The following PTPN9 variants were observed in gnomAD, a reference collection of about 807,000 sequenced individuals.
The protein encoded by PTPN9 is tyrosine-protein phosphatase non-receptor type 9.
A neutral mutation model predicts 69.8 loss-of-function variants in PTPN9; 26 were observed. The ratio of observed to expected loss-of-function variants is 0.37; its 90% confidence interval spans 0.27 to 0.52. PTPN9 has a LOEUF of 0.52. Ranked by LOEUF, PTPN9 falls within the 20% of genes least tolerant of loss-of-function variation. The pLI is 0.91. For missense variants in PTPN9, 549 were observed against 740.3 expected (o/e 0.74, Z 3.00); for synonymous variants, 274 against 272.5 (o/e 1.01, Z -0.05).
intron 7 of PTPN9, among the ~76,000 whole-genome samples, chr15:75,498,286 A>AT (rs1260419749): frequency 6.6e-6 from 1 of 152,022 alleles, no homozygotes; most frequent in Non-Finnish European, 1.5e-5. Context: ...TATGTATGTA[A>AT]TTTTTTTACA....
chr15:75,547,220 G>A (rs890905911), intron 1 of PTPN9, among the ~76,000 whole-genome samples: 5 of 150,566 alleles, frequency 3.3e-5, no homozygotes, highest in South Asian at 2.1e-4. Context: ...GCTTGAACAC[G>A]GGAGGCAGAG....
intron 7 of PTPN9, among the ~76,000 whole-genome samples, chr15:75,497,973 T>C (rs1403467970): frequency 2.0e-5 from 3 of 151,434 alleles, no homozygotes; most frequent in African/African-American, 7.3e-5. Flanking sequence ...GCGGATCACC[T>C]GAGGTCAGGA....
In PTPN9 at chr15:75,471,682, A is replaced by G. The variant is rs892079470; in HGVS notation, c.1209-852T>C. On this transcript the variant is annotated intron_variant, in intron 10 of 12. Coordinates refer to ENST00000618819, the MANE Select transcript of PTPN9 (RefSeq NM_002833.4). ...TGTAATTCCAGCACTTTAGGAGGCC[A>G]AGGTGGCGGATCACCTGAGGTCAGG... 5.9e-5 allele frequency among the ~76,000 whole-genome samples: 9 copies of G among 151,662 alleles called. No homozygotes were observed. In the East Asian group the frequency reaches 9.7e-4, roughly 16 times the overall value.
chr15:75,578,716 GCTC>G lies in PTPN9; in HGVS notation c.58_60del (p.Glu20del). On this transcript the variant is annotated inframe_deletion, in exon 1 of 13. Transcript: ENST00000618819. ...GCGGCGGCCTCGGGCCCGCTTACCT[GCTC>G]CTCCTCCGGGGTCAGCTCCGGCGCC... is the stretch of plus-strand genomic sequence containing the variant. 1 of 1,371,446 alleles carries G rather than the reference GCTC, an allele frequency of 7.3e-7. No individual in the cohort carries two copies. The highest frequency in any genetic ancestry group is 9.4e-7 in the Non-Finnish European group (1 of 1,059,224). The allele number at this position is 1,371,446 out of a possible 1,614,324, so 85.0% of individuals were successfully genotyped here.
chr15:75,557,357 G>A (rs558694665), intron 1 of PTPN9, among the ~76,000 whole-genome samples: 9 of 151,994 alleles, frequency 5.9e-5, no homozygotes, highest in African/African-American at 2.2e-4. Flanking sequence ...CCTGGGAGGC[G>A]GAGGTTGTAG....
At position 75,509,938 on chromosome 15, in the gene PTPN9, C is replaced by T. The variant is rs369887438; in HGVS notation, c.529-911G>A. On this transcript the variant is annotated intron_variant, in intron 5 of 12. Coordinates refer to ENST00000618819, the MANE Select transcript of PTPN9 (RefSeq NM_002833.4). Reference sequence around the variant, plus strand: ...AGTGGAGGTTGCAGTAAGCCAAGATCGCACCACTGCACTCCAGCCTGGGCG... The same window carrying T: ...AGTGGAGGTTGCAGTAAGCCAAGATTGCACCACTGCACTCCAGCCTGGGCG... Among the ~76,000 whole-genome samples, 39 of 152,270 alleles carry T rather than the reference C, an allele frequency of 2.6e-4. No individual in the cohort carries two copies. The South Asian group carries it at 8.1e-3, about 32-fold the overall frequency.
chr15:75,575,178 TTAGCCAGGATGGTCTCGATCTCCTGAC>T (rs2075166408), intron 1 of PTPN9, among the ~76,000 whole-genome samples: 2 of 39,972 alleles, frequency 5.0e-5, no homozygotes, highest in South Asian at 6.2e-4. Context: ...TTTCACTGTG[TTAGCCAGGATGGTCTCGATCTCCTGAC>T]CTCATGATCC....
Position 75,473,689 on chromosome 15 carries a change from C to T in PTPN9, c.1208G>A (p.Arg403His), listed in dbSNP as rs773793387. 6 of 1,554,700 alleles carry T rather than the reference C, an allele frequency of 3.9e-6. No homozygotes were observed. The highest frequency in any genetic ancestry group is 2.2e-5 in the East Asian group (1 of 44,584). ...QKVLVIVMTT[R>H]FEEGGRRKCG... The stretch of plus-strand genomic sequence containing the variant: ...CTTTGGAAAAAAGGGATTAACTCAC[C>T]GGGTGGTCATGACAATCACCAAGAC... Residue 403 changes from arginine to histidine, a missense_variant and splice_region_variant, in exon 10 of 13, where the codon CGC becomes CAC. Transcript: ENST00000618819.
intron 9 of PTPN9, among the ~76,000 whole-genome samples, chr15:75,475,733 T>C (rs1252709659): frequency 6.6e-6 from 1 of 152,206 alleles, no homozygotes; most frequent in Non-Finnish European, 1.5e-5. Flanking sequence ...GCTAAGTCTT[T>C]TAGCAAGCAC....
chr15:75,493,418 T>A (rs2074722299), intron 7 of PTPN9, among the ~76,000 whole-genome samples: 1 of 151,250 alleles, frequency 6.6e-6, no homozygotes, highest in African/African-American at 2.4e-5. Flanking sequence ...AAAGAGAAAG[T>A]TGAGGAAATT....
At chr15:75,548,741 C>T (rs1179786929) in intron 1 of PTPN9, among the ~76,000 whole-genome samples, 2 of 148,158 alleles carry the variant, frequency 1.3e-5, no homozygotes, top group East Asian at 2.0e-4. Context: ...GCAAGCTCTG[C>T]CACCAGGGTT....
At chr15:75,495,200 G>A (rs1203475951) in intron 7 of PTPN9, among the ~76,000 whole-genome samples, 1 of 151,862 alleles carries the variant, frequency 6.6e-6, no homozygotes, top group African/African-American at 2.4e-5. Flanking sequence ...TCTACAATTA[G>A]GAAACAAGAT....
chr15:75,561,149 A>T (rs986445439), intron 1 of PTPN9, among the ~76,000 whole-genome samples: 1 of 150,720 alleles, frequency 6.6e-6, no homozygotes, highest in Non-Finnish European at 1.5e-5. Flanking sequence ...AACCTTATCT[A>T]TATTAAAAAT....
chr15:75,556,788 C>G (rs2141338133), intron 1 of PTPN9, among the ~76,000 whole-genome samples: 1 of 152,318 alleles, frequency 6.6e-6, no homozygotes, highest in African/African-American at 2.4e-5. Flanking sequence ...TAACTAGCAC[C>G]TTTCTATAAC....
chr15:75,547,865 C>A (rs1404466292), intron 1 of PTPN9, among the ~76,000 whole-genome samples: 1 of 151,936 alleles, frequency 6.6e-6, no homozygotes, highest in African/African-American at 2.4e-5. Flanking sequence ...GGGGTTTCAC[C>A]ATATTAGCCA....
chr15:75,560,843 A>C (rs1567524595), intron 1 of PTPN9, among the ~76,000 whole-genome samples: 1 of 152,076 alleles, frequency 6.6e-6, no homozygotes, highest in African/African-American at 2.4e-5. Flanking sequence ...ACATGGTGAA[A>C]CGCCGTCTCT....
At chr15:75,514,431 C>G (rs2074859660) in intron 5 of PTPN9, among the ~76,000 whole-genome samples, 1 of 152,146 alleles carries the variant, frequency 6.6e-6, no homozygotes, top group South Asian at 2.1e-4. Context: ...ATACAAAAAT[C>G]AGTTGGGTGT....
intron 5 of PTPN9, 24 bp downstream of exon 5, chr15:75,517,235 T>C (rs1391965345): frequency 1.9e-5 from 30 of 1,544,712 alleles, no homozygotes; most frequent in Non-Finnish European, 2.7e-5. Flanking sequence ...GAAGGAAACT[T>C]GAGAGGGCCC....
At chr15:75,538,381 C>A (rs947256477) in intron 1 of PTPN9, among the ~76,000 whole-genome samples, 1 of 152,038 alleles carries the variant, frequency 6.6e-6, no homozygotes, top group Admixed American at 6.6e-5. Flanking sequence ...CCAAAAGATG[C>A]GTAACAACCT....
Sources: gnomAD v4.1 joint callset for allele counts (sites outside exome capture counted in the v4.1 genomes callset) on GRCh38, gnomAD v4.1.1 for gene constraint, MANE v1.5 for transcripts, NCBI Gene and HGNC (gene_info 2026-07-23, HGNC 2026-07-21) for gene names.